BCAN: variants seen among roughly 807,000 people sequenced by gnomAD.
The protein encoded by BCAN is brevican.
Under a neutral mutation model 92.4 loss-of-function variants are expected in BCAN, and 51 were observed. The ratio of observed to expected loss-of-function variants is 0.55; its 90% CI spans 0.44 to 0.70. BCAN has a LOEUF of 0.70. BCAN is among the 30% of genes least tolerant of loss of function. BCAN has a pLI of 0.00. For missense variants in BCAN, 1,140 were observed against 1,212.1 expected (o/e 0.94, Z 0.88); for synonymous variants, 501 against 505.2 (o/e 0.99, Z 0.11).
chr1:156,652,277 A>C lies in BCAN; in HGVS notation c.1327A>C (p.Thr443Pro), dbSNP rs776368239. The C allele has an allele frequency of 1.1e-5, 17 of 1,606,664 alleles. No individual in the cohort carries two copies. Among genetic ancestry groups the C allele is most frequent in the Non-Finnish European group, 1.4e-5 (17 of 1,176,618 alleles). ...EFETQSMVPP[T>P]GFSEEEGKAL... ...TGAAACACAATCCATGGTACCGCCC[A>C]CGGGGTTCTCAGAAGAGGAAGGTAA... The change falls in exon 8 of 14, where the codon ACG becomes CCG. Residue 443 changes from threonine to proline, a missense_variant. Physicochemically the swap from Thr to Pro is conservative, Grantham distance 38. Transcript: ENST00000329117.
chr1:156,657,780 C>T (rs1458287380), intron 11 of BCAN, 23 bp downstream of exon 11: 6 of 1,595,202 alleles, frequency 3.8e-6, no homozygotes, highest in Non-Finnish European at 5.1e-6. Context: ...AGTCGAACCC[C>T]GCCGTCTAGC....
chr1:156,645,439 G>A (rs1435936703), intron 1 of BCAN, among the ~76,000 whole-genome samples: 1 of 152,186 alleles, frequency 6.6e-6, no homozygotes, highest in Non-Finnish European at 1.5e-5. Flanking sequence ...AGGAAGTAGA[G>A]GAGAGGGTGG....
Position 156,652,231 on chromosome 1 carries a change from G to A in BCAN, c.1298-17G>A, listed in dbSNP as rs1205823148. 5 of 1,571,148 alleles carry A rather than the reference G, an allele frequency of 3.2e-6. No individual in the cohort carries two copies. The highest frequency in any genetic ancestry group is 4.3e-6 in the Non-Finnish European group (5 of 1,159,914). On this transcript the variant is annotated splice_polypyrimidine_tract_variant and intron_variant, in intron 7 of 13. Transcript: ENST00000329117. ...CAGACGCTGTCCCTGGTGCTGAACCGTTTGTGCTTTGCCTAGAATTTGAAA... is the reference window on the plus strand; with the variant it reads ...CAGACGCTGTCCCTGGTGCTGAACCATTTGTGCTTTGCCTAGAATTTGAAA...
intron 9 of BCAN, 51 bp downstream of exon 9, chr1:156,656,440 C>T (rs1557992221): frequency 1.6e-6 from 2 of 1,271,440 alleles, no homozygotes; most frequent in South Asian, 2.9e-5. Flanking sequence ...CCTGCCACAA[C>T]GTGCTACTTC....
intron 2 of BCAN, 180 bp from the exon 3 acceptor site, chr1:156,646,621 C>T (rs1464328382): frequency 9.4e-7 from 1 of 1,063,150 alleles, no homozygotes; most frequent in Non-Finnish European, 1.3e-6. Flanking sequence ...TCGGGGTGGT[C>T]CTGGAGGACC....
chr1:156,657,701 G>T lies in BCAN; in HGVS notation c.2236G>T (p.Gly746Ter). ...NNRYREYQWI[G>*]LNDRTIEGDF... ...CCGGTACCGGGAGTACCAGTGGATCGGACTCAACGACAGGACCATCGAAGG... is the reference window on the plus strand; with the variant it reads ...CCGGTACCGGGAGTACCAGTGGATCTGACTCAACGACAGGACCATCGAAGG... Residue 746 changes from glycine (G) to a stop codon, truncating the protein, a stop_gained, in exon 11 of 14, where the codon GGA becomes TGA. Transcript: ENST00000329117. LOFTEE classifies it high-confidence loss of function. 6.2e-7 allele frequency: 1 copy of T among 1,612,300 alleles called. No homozygotes were observed.
At chr1:156,650,446 A>C (rs920917484) in intron 6 of BCAN, among the ~76,000 whole-genome samples, 1 of 152,100 alleles carries the variant, frequency 6.6e-6, no homozygotes, top group African/African-American at 2.4e-5. Flanking sequence ...CCTTCACTTC[A>C]TTGGTTTTCT....
chr1:156,646,016 C>G, intron 1 of BCAN, 31 bp from the exon 2 acceptor site: 1 of 1,585,292 alleles, frequency 6.3e-7, no homozygotes, highest in Middle Eastern at 1.7e-4. Flanking sequence ...GAAGTCTAAC[C>G]CCATCTTTCC....
chr1:156,658,040 C>T lies in BCAN; in HGVS notation c.2293-87C>T. ...TAACCTTCCCTCTCCTGGGGCCCCG[C>T]TCACCAGCCCTCCTCCCCAGATCCT... On this transcript the variant is annotated intron_variant, in intron 11 of 13. Transcript: ENST00000329117. This position sits in a 1 kb window ranked among gnomAD's most constrained non-coding sequence, Gnocchi z 4.4. 6.7e-7 allele frequency: 1 copy of T among 1,502,388 alleles called. No individual in the cohort carries two copies. The highest frequency in any genetic ancestry group is 9.1e-7 in the Non-Finnish European group (1 of 1,104,542). 93.1% of individuals were successfully genotyped at this position (1,502,388 alleles called of 1,614,324 possible). A position where few individuals can be genotyped will look rare whatever the true frequency, so the allele number is the denominator to read the frequency against.
chr1:156,644,723 T>C (rs1359295260), intron 1 of BCAN: 1 of 152,182 alleles, frequency 6.6e-6, no homozygotes, highest in African/African-American at 2.4e-5. Flanking sequence ...CTTAGGAAAG[T>C]GCAGGGACAG....
rs567698483 is a variant in BCAN at position 156,653,176 on chromosome 1, G to A, written c.1942+284G>A. Reference sequence around the variant, plus strand: ...GCCCTCCACCTGTGGCTCACATCTCGCCAGCCCCACAGAGCATCCTCAGGC... The same window carrying A: ...GCCCTCCACCTGTGGCTCACATCTCACCAGCCCCACAGAGCATCCTCAGGC... On this transcript the variant is annotated intron_variant, in intron 8 of 13. Transcript: ENST00000329117. 4.7e-4 allele frequency: 651 copies of A among 1,380,488 alleles called. 5 individuals carry two copies. The African/African-American group carries it at 8.5e-3, about 18-fold the overall frequency. The allele number at this position is 1,380,488 out of a possible 1,614,324, so 85.5% of individuals were successfully genotyped here.
rs965378154 is a variant in BCAN, at chr1:156,654,775, G to T, written c.1943-1507G>T. 2.6e-5 allele frequency among the ~76,000 whole-genome samples: 4 copies of T among 152,296 alleles called. No homozygotes were observed. The East Asian group carries it at 7.7e-4, about 29-fold the overall frequency. On this transcript the variant is annotated intron_variant, in intron 8 of 13. Transcript: ENST00000329117. ...GGAGTTCAGAATTCTACCCTCTGTG[G>T]GGCCTGGTGCTTAATGGGTTAAATG...
In BCAN at chr1:156,648,143, T is replaced by C. The variant is rs374748596; in HGVS notation, c.769+33T>C. Reference sequence around the variant, plus strand: ...GGAGTGAGAGGTTCCCAGGGGACAATTTCCTACTCCCATGCTGCCCATAGG... The same window carrying C: ...GGAGTGAGAGGTTCCCAGGGGACAACTTCCTACTCCCATGCTGCCCATAGG... On this transcript the variant is annotated intron_variant, in intron 5 of 13. Coordinates refer to ENST00000329117, the MANE Select transcript of BCAN (RefSeq NM_021948.5). 14 of 1,602,996 alleles carry C rather than the reference T, an allele frequency of 8.7e-6. No individual in the cohort carries two copies. The African/African-American group carries it at 1.2e-4, about 14-fold the overall frequency.
At chr1:156,657,221 A>T in intron 10 of BCAN, 125 bp downstream of exon 10, 2 of 1,219,062 alleles carry the variant, frequency 1.6e-6, no homozygotes, top group South Asian at 1.5e-5. Flanking sequence ...GCATTCCCTC[A>T]CTCATTCGTT....
At chr1:156,656,782 A>C in intron 9 of BCAN, 156 bp from the exon 10 acceptor site, 33 of 967,524 alleles carry the variant, frequency 3.4e-5, no homozygotes, top group Non-Finnish European at 4.6e-5. Context: ...GGCTCCTGCT[A>C]CCCCCTCATT....
In BCAN at chr1:156,647,377, A is replaced by C. The variant is rs1268487190; in HGVS notation, c.467-131A>C. ...GACATTCTACCCACAATCTAACTTA[A>C]GTCCCTCATGCTGTAGAGTGAGCAC... is the stretch of plus-strand genomic sequence containing the variant. On this transcript the variant is annotated intron_variant, in intron 3 of 13. Coordinates refer to ENST00000329117, the MANE Select transcript of BCAN (RefSeq NM_021948.5). The surrounding 1 kb of genome is among the most constrained non-coding windows in gnomAD (Gnocchi z 4.8). The C allele has an allele frequency of 5.3e-6, 6 of 1,141,858 alleles. No homozygotes were observed. Among genetic ancestry groups the C allele is most frequent in the Non-Finnish European group, 7.3e-6 (6 of 816,542 alleles). 70.7% of individuals were successfully genotyped at this position (1,141,858 alleles called of 1,614,324 possible). A position where few individuals can be genotyped will look rare whatever the true frequency, so the allele number is the denominator to read the frequency against.
At chr1:156,648,217 G>A (rs1679050923) in intron 5 of BCAN, 107 bp downstream of exon 5, 1 of 1,434,340 alleles carries the variant, frequency 7.0e-7, no homozygotes, top group Non-Finnish European at 9.6e-7. Flanking sequence ...GAGTTTAAGG[G>A]GGCAAGCAGG....
Position 156,656,951 on chromosome 1 carries a change from C to T in BCAN, c.2064C>T (p.Cys688=). 1 of 1,613,772 alleles carries T rather than the reference C, an allele frequency of 6.2e-7. No individual in the cohort carries two copies. Among genetic ancestry groups the T allele is most frequent in the Non-Finnish European group, 8.5e-7 (1 of 1,179,704 alleles). ...GDLCDVGLRF[C]NPGWDAFQGA... ...TATGTGCCGCAGGCCTCCGCTTCTGCAACCCCGGCTGGGACGCCTTCCAGG... is the reference window on the plus strand; with the variant it reads ...TATGTGCCGCAGGCCTCCGCTTCTGTAACCCCGGCTGGGACGCCTTCCAGG... The change falls in exon 10 of 14, where the codon TGC becomes TGT. Residue 688 remains cysteine (C), a synonymous_variant. Coordinates refer to ENST00000329117, the MANE Select transcript of BCAN (RefSeq NM_021948.5).
intron 2 of BCAN, chr1:156,646,503 G>C (rs936597319): frequency 3.8e-6 from 2 of 523,620 alleles, no homozygotes; most frequent in Middle Eastern, 4.9e-4. Flanking sequence ...AGGACCCTGG[G>C]GTGTGGTCTA....
Sources: allele counts gnomAD v4.1 joint callset (sites outside exome capture counted in the v4.1 genomes callset), GRCh38; gene constraint gnomAD v4.1.1; non-coding constraint Gnocchi (gnomAD v3.1); transcripts MANE v1.5; gene names NCBI Gene and HGNC (gene_info 2026-07-23, HGNC 2026-07-21).